GNS: variants seen among roughly 807,000 people sequenced by gnomAD.
The protein encoded by GNS is N-acetylglucosamine-6-sulfatase.
GNS carries 40 observed loss-of-function variants against 69.7 expected under a neutral mutation model. That is an observed-to-expected ratio of 0.57 (90% CI 0.45 to 0.75). The LOEUF (loss-of-function observed/expected upper bound fraction) is 0.75, where lower values mean the gene tolerates loss of function less well. Among genes scored for constraint, GNS ranks in the 30% least tolerant of loss-of-function variants. The pLI is 0.00. For synonymous variants in GNS, 243 were observed against 251.6 expected, an observed-to-expected ratio of 0.97 and a Z score of 0.32; for missense variants, 565 against 685.5, an observed-to-expected ratio of 0.82 and a Z score of 1.96.
At chr12:64,758,421 C>G (rs1333855189) in intron 1 of GNS, among the ~76,000 whole-genome samples, 6 of 146,770 alleles carry the variant, frequency 4.1e-5, no homozygotes, top group Non-Finnish European at 8.9e-5. Context: ...CTCCCGGGTT[C>G]AAGCGATTCT....
intron 10 of GNS, among the ~76,000 whole-genome samples, chr12:64,725,809 A>C (rs1869177663): frequency 6.6e-6 from 1 of 151,942 alleles, no homozygotes; most frequent in East Asian, 1.9e-4. Flanking sequence ...ATCCTGGCTA[A>C]CACGGTGAAA....
intron 10 of GNS, among the ~76,000 whole-genome samples, chr12:64,726,094 GATCTATAGGTTAAATGCA>G (rs1869190986): frequency 6.7e-6 from 1 of 150,246 alleles, no homozygotes; most frequent in South Asian, 2.1e-4. Context: ...TCCTCTAACT[GATCTATAGGTTAAATGCA>G]ATTCCAACCA....
Position 64,743,228 on chromosome 12 carries a change from A to G in GNS, c.705T>C (p.His235=), listed in dbSNP as rs2136247609. The G allele has an allele frequency of 1.9e-6, 3 of 1,613,054 alleles. No individual in the cohort carries two copies. The highest frequency in any genetic ancestry group is 1.7e-6 in the Non-Finnish European group (2 of 1,178,992). The change falls in exon 6 of 14, where the codon CAT becomes CAC. Residue 235 remains histidine (H), a synonymous_variant. Transcript: ENST00000258145. The stretch of plus-strand genomic sequence containing the variant: ...ACTGAGGTGCAGCTGTCCAAGGCGA[A>G]TGAGGCGCTGGAGTGGCGATCATCA... The part of the protein sequence containing the change: ...FFMMIATPAP[H]SPWTAAPQYQ...
At chr12:64,742,422 G>A (rs1323175582) in intron 6 of GNS, among the ~76,000 whole-genome samples, 2 of 152,210 alleles carry the variant, frequency 1.3e-5, no homozygotes, top group Non-Finnish European at 2.9e-5. Flanking sequence ...CTATGTACTT[G>A]AATTCATACA....
At chr12:64,758,614 C>T (rs1416297418) in intron 1 of GNS, among the ~76,000 whole-genome samples, 3 of 152,218 alleles carry the variant, frequency 2.0e-5, no homozygotes, top group Middle Eastern at 3.4e-3. Context: ...TGACACACCG[C>T]GCCCGGCCCA....
intron 9 of GNS, among the ~76,000 whole-genome samples, chr12:64,736,781 A>G (rs1304324496): frequency 6.6e-6 from 1 of 152,200 alleles, no homozygotes; most frequent in Non-Finnish European, 1.5e-5. Flanking sequence ...AAGAAAAGCT[A>G]TGCATTCTAA....
chr12:64,752,728 G>T lies in GNS; in HGVS notation c.222C>A (p.Ile74=), dbSNP rs1375026446. The change falls in exon 2 of 14, where the codon ATC becomes ATA. Residue 74 remains isoleucine (I), a synonymous_variant. Coordinates refer to ENST00000258145, the MANE Select transcript of GNS (RefSeq NM_002076.4). ...MTPLKKTKAL[I]GEMGMTFSSA... ...TGGAAAAAGTCATCCCCATCTCTCC[G>T]ATGAGAGCTTTGGTTTTCTTTAGCG... The T allele has an allele frequency of 3.9e-6, 6 of 1,535,920 alleles. No individual in the cohort carries two copies. The highest frequency in any genetic ancestry group is 5.4e-6 in the Non-Finnish European group (6 of 1,110,398).
intron 9 of GNS, among the ~76,000 whole-genome samples, chr12:64,736,669 C>A (rs766971803): frequency 3.9e-5 from 6 of 152,226 alleles, no homozygotes; most frequent in Non-Finnish European, 8.8e-5. Flanking sequence ...TGCCCAAGCA[C>A]GTACCATTTT....
At chr12:64,723,843 G>C (rs1254876800) in intron 10 of GNS, among the ~76,000 whole-genome samples, 1 of 152,208 alleles carries the variant, frequency 6.6e-6, no homozygotes, top group Non-Finnish European at 1.5e-5. Context: ...GGGTGGAGAG[G>C]CAGGCTGGTA....
At chr12:64,733,792 G>A (rs1461712826) in intron 9 of GNS, among the ~76,000 whole-genome samples, 1 of 152,220 alleles carries the variant, frequency 6.6e-6, no homozygotes, top group Non-Finnish European at 1.5e-5. Flanking sequence ...ACGGTGCTGT[G>A]TCATTCTAGT....
At chr12:64,758,257 A>G (rs1466318943) in intron 1 of GNS, among the ~76,000 whole-genome samples, 1 of 148,120 alleles carries the variant, frequency 6.8e-6, no homozygotes, top group Non-Finnish European at 1.5e-5. Flanking sequence ...GTGAGGCAAC[A>G]CACACCCTCA....
Position 64,747,901 on chromosome 12 carries a change from G to A in GNS, c.270C>T (p.Leu90=), listed in dbSNP as rs1380084978. The A allele has an allele frequency of 6.2e-7, 1 of 1,601,670 alleles. No homozygotes were observed. Among genetic ancestry groups the A allele is most frequent in the Non-Finnish European group, 8.6e-7 (1 of 1,168,648 alleles). Residue 90 remains leucine (L), a synonymous_variant, in exon 3 of 14, where the codon CTC becomes CTT. Coordinates refer to ENST00000258145, the MANE Select transcript of GNS (RefSeq NM_002076.4). The part of the protein sequence containing the change: ...TFSSAYVPSA[L]CCPSRASILT... ...GGATACTGGCTCTGCTGGGGCAGCA[G>A]AGAGCACTTGGCACATACTACAAAG...
chr12:64,758,253 C>T (rs1171375272), intron 1 of GNS, among the ~76,000 whole-genome samples: 2 of 148,938 alleles, frequency 1.3e-5, no homozygotes, highest in African/African-American at 4.9e-5. Context: ...TCTTGTGAGG[C>T]AACACACACC....
chr12:64,739,331 G>A lies in GNS; in HGVS notation c.994+50C>T, dbSNP rs200442387. On this transcript the variant is annotated intron_variant, in intron 8 of 13. Transcript: ENST00000258145. Reference sequence around the variant, plus strand: ...CTCCCAGGGCTCATTGGGTGAAAAAGGAAAGACATATTCTCAAAGATCACA... The same window carrying A: ...CTCCCAGGGCTCATTGGGTGAAAAAAGAAAGACATATTCTCAAAGATCACA... 4.8e-4 allele frequency: 452 copies of A among 939,314 alleles called. 1 individual carries two copies. Among genetic ancestry groups the A allele is most frequent in the Non-Finnish European group, 1.9e-4 (106 of 563,178 alleles). 58.2% of individuals were successfully genotyped at this position (939,314 alleles called of 1,614,324 possible).
rs1286551460 is a variant in GNS at position 64,759,116 on chromosome 12, G to A, written c.161C>T (p.Thr54Met). 1.9e-6 allele frequency: 3 copies of A among 1,563,850 alleles called. No individual in the cohort carries two copies. The highest frequency in any genetic ancestry group is 2.3e-5 in the East Asian group (1 of 42,564). Reference sequence around the variant, plus strand: ...GCCGAGCACTTCGTCCTGGTCGTCCGTGAGGAGCAGCACCACGTTGGGCCT... The same window carrying A: ...GCCGAGCACTTCGTCCTGGTCGTCCATGAGGAGCAGCACCACGTTGGGCCT... ...TRRPNVVLLLTDDQDEVLGGM... is the reference protein window; with the variant it reads ...TRRPNVVLLLMDDQDEVLGGM... Residue 54 changes from threonine to methionine, a missense_variant, in exon 1 of 14, where the codon ACG becomes ATG. Coordinates refer to ENST00000258145, the MANE Select transcript of GNS (RefSeq NM_002076.4).
intron 2 of GNS, among the ~76,000 whole-genome samples, chr12:64,751,947 C>T (rs1870090308): frequency 7.8e-6 from 1 of 127,398 alleles, no homozygotes; most frequent in South Asian, 2.4e-4. Context: ...GAGATTGCGC[C>T]ACTCAAAAAA....
chr12:64,727,166 G>A (rs1458903938), intron 10 of GNS, among the ~76,000 whole-genome samples: 1 of 151,186 alleles, frequency 6.6e-6, no homozygotes, highest in Non-Finnish European at 1.5e-5. Flanking sequence ...GAGGGGGGAG[G>A]ATATTTTTTT....
chr12:64,756,539 A>G, intron 1 of GNS: 1 of 565,174 alleles, frequency 1.8e-6, no homozygotes, highest in Non-Finnish European at 3.1e-6. Context: ...TTTGTCCAAT[A>G]TTAGCTATAT....
At chr12:64,753,421 C>A (rs1187275724) in intron 1 of GNS, among the ~76,000 whole-genome samples, 1 of 152,158 alleles carries the variant, frequency 6.6e-6, no homozygotes, top group Non-Finnish European at 1.5e-5. Context: ...AATTAACTTC[C>A]TTCTAGAATG....
Sources: allele counts gnomAD v4.1 joint callset (sites outside exome capture counted in the v4.1 genomes callset), GRCh38; gene constraint gnomAD v4.1.1; transcripts MANE v1.5; gene names NCBI Gene and HGNC (gene_info 2026-07-23, HGNC 2026-07-21).